CSMD1: variants seen among roughly 807,000 people sequenced by gnomAD.
The protein encoded by CSMD1 is CUB and Sushi multiple domains 1.
Under a neutral mutation model 417.5 loss-of-function variants are expected in CSMD1, and 213 were observed. The ratio of observed to expected loss-of-function variants is 0.51; its 90% CI spans 0.46 to 0.57. The LOEUF is 0.57. CSMD1 is among the 20% of genes least tolerant of loss of function. CSMD1 has a pLI of 0.00. For missense variants in CSMD1, 6,923 were observed against 4,529.7 expected (o/e 1.53, Z -15.17); for synonymous variants, 2,862 against 1,736.8 (o/e 1.65, Z -16.11).
At chr8:3,755,196 G>C (rs935880556) in intron 5 of CSMD1, among the ~76,000 whole-genome samples, 6 of 149,752 alleles carry the variant, frequency 4.0e-5, no homozygotes, top group Non-Finnish European at 9.0e-5. Context: ...AGCATCACTG[G>C]ATTAGGATGC....
chr8:4,369,888 C>A (rs1338108727), intron 3 of CSMD1, among the ~76,000 whole-genome samples: 1 of 152,136 alleles, frequency 6.6e-6, no homozygotes, highest in Non-Finnish European at 1.5e-5. Context: ...CTTTACCCAA[C>A]TTTCCATTTG....
intron 1 of CSMD1, among the ~76,000 whole-genome samples, chr8:4,977,448 G>A (rs1247659137): frequency 1.3e-5 from 2 of 152,166 alleles, no homozygotes; most frequent in African/African-American, 4.8e-5. Flanking sequence ...CATGTCCACG[G>A]ACTCATGCAC....
chr8:4,825,082 C>T (rs1457191), intron 1 of CSMD1, among the ~76,000 whole-genome samples: 41,328 of 151,954 alleles, frequency 0.27, 5,916 homozygotes, highest in Non-Finnish European at 0.31. Flanking sequence ...ATTTTAAATA[C>T]TGCATACATT....
At chr8:4,111,767 T>G (rs558860054) in intron 3 of CSMD1, among the ~76,000 whole-genome samples, 123 of 152,180 alleles carry the variant, frequency 8.1e-4, no homozygotes, top group African/African-American at 2.9e-3. Flanking sequence ...TGGGAACTGT[T>G]GTGGGGCATA....
At chr8:3,450,344 G>C (rs192572761) in intron 12 of CSMD1, among the ~76,000 whole-genome samples, 2 of 151,706 alleles carry the variant, frequency 1.3e-5, no homozygotes, top group South Asian at 4.2e-4. Context: ...CAGTTTTAGG[G>C]TACATGTTCA....
intron 2 of CSMD1, among the ~76,000 whole-genome samples, chr8:4,482,695 A>G (rs1303243146): frequency 6.6e-6 from 1 of 152,180 alleles, no homozygotes; most frequent in East Asian, 1.9e-4. Context: ...TGGCTGAAAT[A>G]ATTTACACTC....
chr8:4,776,750 G>C (rs535363872), intron 1 of CSMD1, among the ~76,000 whole-genome samples: 40 of 151,882 alleles, frequency 2.6e-4, no homozygotes, highest in Non-Finnish European at 4.6e-4. Flanking sequence ...ACTACACTCA[G>C]TTATATTTTA....
intron 3 of CSMD1, among the ~76,000 whole-genome samples, chr8:4,120,323 ATTAC>A (rs1335284121): frequency 5.9e-5 from 9 of 152,284 alleles, no homozygotes; most frequent in African/African-American, 1.9e-4. Context: ...AATTTTATTG[ATTAC>A]TTAGCTATAA....
rs1485596190 is a variant in CSMD1, at chr8:4,788,326, T to G, written c.86-150768A>C. On this transcript the variant is annotated intron_variant, in intron 1 of 69. Transcript: ENST00000635120. Reference sequence around the variant, plus strand: ...AGAAGTAATGGTTTGGGACCAGTGATGTCTGGGAACACTGCATATCCAGTT... The same window carrying G: ...AGAAGTAATGGTTTGGGACCAGTGAGGTCTGGGAACACTGCATATCCAGTT... 3 of 1,564,040 alleles carry G rather than the reference T, an allele frequency of 1.9e-6. No individual in the cohort carries two copies. In the African/African-American group the frequency reaches 4.1e-5, roughly 21 times the overall value.
At chr8:4,539,425 C>T (rs999350014) in intron 2 of CSMD1, among the ~76,000 whole-genome samples, 2 of 152,174 alleles carry the variant, frequency 1.3e-5, no homozygotes, top group African/African-American at 4.8e-5. Context: ...GATGGCATTA[C>T]ATTTTTAGTC....
At chr8:3,318,015 G>A (rs911568683) in intron 23 of CSMD1, among the ~76,000 whole-genome samples, 1 of 152,108 alleles carries the variant, frequency 6.6e-6, no homozygotes, top group Non-Finnish European at 1.5e-5. Flanking sequence ...TTCCCCGGCT[G>A]GGCTCAAAAC....
intron 3 of CSMD1, among the ~76,000 whole-genome samples, chr8:4,181,359 A>C (rs1584972078): frequency 7.3e-6 from 1 of 137,682 alleles, no homozygotes; most frequent in East Asian, 2.1e-4. Context: ...TTTCTCATTT[A>C]TTTATTTATT....
chr8:4,268,352 G>A (rs1005302674), intron 3 of CSMD1, among the ~76,000 whole-genome samples: 2 of 152,204 alleles, frequency 1.3e-5, no homozygotes, highest in South Asian at 4.1e-4. Context: ...TTTGACTAAT[G>A]TTTTCCTCTT....
At chr8:3,688,837 T>A (rs1336661505) in intron 7 of CSMD1, among the ~76,000 whole-genome samples, 1 of 152,132 alleles carries the variant, frequency 6.6e-6, no homozygotes, top group Non-Finnish European at 1.5e-5. Context: ...GTTAATTAAC[T>A]GATAGCAATC....
At chr8:3,304,440 A>G (rs1354112011) in intron 25 of CSMD1, among the ~76,000 whole-genome samples, 1 of 152,184 alleles carries the variant, frequency 6.6e-6, no homozygotes, top group Admixed American at 6.5e-5. Flanking sequence ...GTTTTGCCAG[A>G]TCACCATACT....
chr8:3,638,775 A>T (rs1439671740), intron 7 of CSMD1, among the ~76,000 whole-genome samples: 2 of 152,104 alleles, frequency 1.3e-5, no homozygotes, highest in African/African-American at 4.8e-5. Flanking sequence ...ACCAAGAGAG[A>T]AACCAGCATG....
At chr8:3,442,239 G>C (rs1268925328) in intron 12 of CSMD1, among the ~76,000 whole-genome samples, 4 of 152,114 alleles carry the variant, frequency 2.6e-5, no homozygotes, top group Admixed American at 6.6e-5. Flanking sequence ...AGTAAGCTAA[G>C]GTTAATTTAT....
intron 3 of CSMD1, among the ~76,000 whole-genome samples, chr8:4,185,197 A>G (rs1262335548): frequency 6.6e-6 from 1 of 151,446 alleles, no homozygotes; most frequent in East Asian, 1.9e-4. Context: ...AAACACAAAA[A>G]TGCAAAAATG....
intron 1 of CSMD1, among the ~76,000 whole-genome samples, chr8:4,822,765 C>T (rs550134920): frequency 1.5e-4 from 23 of 152,076 alleles, no homozygotes; most frequent in Admixed American, 9.8e-4. Context: ...CTGTTTTTAA[C>T]CTCTGGGTAT....
Sources: gnomAD v4.1 joint callset for allele counts (sites outside exome capture counted in the v4.1 genomes callset) on GRCh38, gnomAD v4.1.1 for gene constraint, MANE v1.5 for transcripts, NCBI Gene and HGNC (gene_info 2026-07-23, HGNC 2026-07-21) for gene names.